The following GRID2IP variants were observed in gnomAD, a reference collection of about 807,000 sequenced individuals.
The protein encoded by GRID2IP is Grid2 interacting protein.
GRID2IP carries 78 observed loss-of-function variants against 114.3 expected under a neutral mutation model. The ratio of observed to expected loss-of-function variants is 0.68; its 90% CI spans 0.57 to 0.82. GRID2IP has a LOEUF of 0.82. Ranked by LOEUF, GRID2IP falls within the 40% of genes least tolerant of loss-of-function variation. The probability of loss-of-function intolerance (pLI) is 0.00; values close to 1 mark genes in which losing one functional copy is unlikely to be tolerated. For missense variants in GRID2IP, 1,727 were observed against 1,678.5 expected, an observed-to-expected ratio of 1.03 and a Z score of -0.51; for synonymous variants, 809 against 724.0, an observed-to-expected ratio of 1.12 and a Z score of -1.89.
In GRID2IP at chr7:6,521,057, G is replaced by A. The variant is rs1046226628; in HGVS notation, c.1085-296C>T. On this transcript the variant is annotated intron_variant, in intron 6 of 21. Transcript: ENST00000457091. The surrounding 1 kb of genome is among the most constrained non-coding windows in gnomAD (Gnocchi z 4.1). ...GTGATCTCGGCTCACTGCAACCTCC[G>A]CTTCCTGGGTTCAAGTGATTCTCTT... Among the ~76,000 whole-genome samples the A allele has an allele frequency of 2.6e-5, 4 of 152,130 alleles. No homozygotes were observed. The highest frequency in any genetic ancestry group is 7.2e-5 in the African/African-American group (3 of 41,424).
At chr7:6,548,022 G>A (rs1779913152) in intron 1 of GRID2IP, among the ~76,000 whole-genome samples, 1 of 152,124 alleles carries the variant, frequency 6.6e-6, no homozygotes, top group Non-Finnish European at 1.5e-5. Flanking sequence ...AACACAACAG[G>A]GTGACTATAG....
rs1414278613 is a variant in GRID2IP, at chr7:6,516,964, G to A, written c.1269-2435C>T. 6.6e-6 allele frequency among the ~76,000 whole-genome samples: 1 copy of A among 151,666 alleles called. No individual in the cohort carries two copies. The highest frequency in any genetic ancestry group is 2.4e-5 in the African/African-American group (1 of 41,252). The stretch of plus-strand genomic sequence containing the variant: ...ACACAATAAATAACAGCACGGCCAG[G>A]CATTCGGGGCCACTACTGGTCTCCG... On this transcript the variant is annotated intron_variant, in intron 7 of 21. Coordinates refer to ENST00000457091, the MANE Select transcript of GRID2IP (RefSeq NM_001145118.2). The surrounding 1 kb of genome is among the most constrained non-coding windows in gnomAD (Gnocchi z 4.3).
At chr7:6,511,974 C>G (rs12539095) in intron 8 of GRID2IP, among the ~76,000 whole-genome samples, 1 of 151,964 alleles carries the variant, frequency 6.6e-6, no homozygotes, top group Admixed American at 6.6e-5. Flanking sequence ...GTGGCACAAT[C>G]TCAGCTCACT....
Position 6,509,233 on chromosome 7 carries a change from C to T in GRID2IP, c.1852G>A (p.Gly618Ser). The T allele has an allele frequency of 6.6e-7, 1 of 1,513,766 alleles. No individual in the cohort carries two copies. The highest frequency in any genetic ancestry group is 8.9e-7 in the Non-Finnish European group (1 of 1,129,040). The allele number at this position is 1,513,766 out of a possible 1,614,324, so 93.8% of individuals were successfully genotyped here. A position where few individuals can be genotyped will look rare whatever the true frequency, so the allele number is the denominator to read the frequency against. The change falls in exon 12 of 22, where the codon GGT becomes AGT. Residue 618 changes from glycine (G) to serine (S), a missense_variant. Coordinates refer to ENST00000457091, the MANE Select transcript of GRID2IP (RefSeq NM_001145118.2). The surrounding 1 kb of genome is among the most constrained non-coding windows in gnomAD (Gnocchi z 4.9). ...SPCYHPLCSG[G>S]LASPSSSESH... ...TCAGAGCTGCTGGGGGAGGCCAGACCCCCCGAACACAGCGGGTGGTAGCAG... is the reference window on the plus strand; with the variant it reads ...TCAGAGCTGCTGGGGGAGGCCAGACTCCCCGAACACAGCGGGTGGTAGCAG...
rs1779731542 is a variant in GRID2IP at position 6,536,781 on chromosome 7, T to C, written c.584+2937A>G. ...TCGGCTCTAGAAATAACTTTTTTCC[T>C]TTTTTCCCCTCTTCTGATTCTCCTA... On this transcript the variant is annotated intron_variant, in intron 2 of 21. Coordinates refer to ENST00000457091, the MANE Select transcript of GRID2IP (RefSeq NM_001145118.2). This position sits in a 1 kb window ranked among gnomAD's most constrained non-coding sequence, Gnocchi z 5.3. 1.4e-6 allele frequency: 1 copy of C among 691,158 alleles called. No individual in the cohort carries two copies. Among genetic ancestry groups the C allele is most frequent in the Non-Finnish European group, 2.6e-6 (1 of 378,576 alleles). The allele number at this position is 691,158 out of a possible 1,614,324, so 42.8% of individuals were successfully genotyped here. A position where few individuals can be genotyped will look rare whatever the true frequency, so the allele number is the denominator to read the frequency against.
At chr7:6,530,385 T>C (rs1171475540) in intron 2 of GRID2IP, among the ~76,000 whole-genome samples, 1 of 151,964 alleles carries the variant, frequency 6.6e-6, no homozygotes, top group Non-Finnish European at 1.5e-5. Flanking sequence ...TGCCTCAGCC[T>C]CTCGAGTATC....
At chr7:6,515,486 A>T (rs151061624) in intron 7 of GRID2IP, among the ~76,000 whole-genome samples, 2 of 150,730 alleles carry the variant, frequency 1.3e-5, no homozygotes, top group East Asian at 3.9e-4. Context: ...ACCAAAAAAC[A>T]TATAGAGCAG....
At chr7:6,525,976 G>A (rs997140542) in intron 4 of GRID2IP, among the ~76,000 whole-genome samples, 5 of 152,132 alleles carry the variant, frequency 3.3e-5, no homozygotes, top group African/African-American at 9.7e-5. Context: ...GAATTTAGAG[G>A]GGCAGGGGTG....
rs1301908226 is a variant in GRID2IP at position 6,518,053 on chromosome 7, C to A, written c.1268+2525G>T. ...TCAAGACCAGCAACATGGCAAAACCCTGTCTCTACTAAAAAAAAAAAAAAA... is the reference window on the plus strand; with the variant it reads ...TCAAGACCAGCAACATGGCAAAACCATGTCTCTACTAAAAAAAAAAAAAAA... On this transcript the variant is annotated intron_variant, in intron 7 of 21. Coordinates refer to ENST00000457091, the MANE Select transcript of GRID2IP (RefSeq NM_001145118.2). 2.0e-5 allele frequency among the ~76,000 whole-genome samples: 3 copies of A among 151,156 alleles called. No homozygotes were observed. In the East Asian group the frequency reaches 5.8e-4, roughly 29 times the overall value.
rs1017118376 is a variant in GRID2IP, at chr7:6,498,067, G to A, written c.3561C>T (p.Phe1187=). 9.1e-6 allele frequency: 14 copies of A among 1,546,926 alleles called. No homozygotes were observed. The highest frequency in any genetic ancestry group is 1.7e-4 in the Middle Eastern group (1 of 5,968). Reference sequence around the variant, plus strand: ...TCAGGGCTCCAGCGAGGCTCACCTCGAATTTGCTCATGAACTCTGCAAAGA... The same window carrying A: ...TCAGGGCTCCAGCGAGGCTCACCTCAAATTTGCTCATGAACTCTGCAAAGA... ...FGIFAEFMSK[F]ERALSDLQAG... is the part of the protein sequence containing the mutation. The change falls in exon 21 of 22, where the codon TTC becomes TTT. Residue 1187 remains phenylalanine, a synonymous_variant. Transcript: ENST00000457091.
At position 6,498,149 on chromosome 7, in the gene GRID2IP, G is replaced by A. The variant is rs375819202; in HGVS notation, c.3479C>T (p.Ala1160Val). The change falls in exon 21 of 22, where the codon GCG becomes GTG. Residue 1160 changes from alanine (A) to valine (V), a missense_variant. Physicochemically the swap from Ala to Val is moderately conservative, Grantham distance 64 (BLOSUM62 0). Coordinates refer to ENST00000457091, the MANE Select transcript of GRID2IP (RefSeq NM_001145118.2). Reference protein sequence around the residue: ...QREAMEELGKALAFFGEDSKA... With the variant: ...QREAMEELGKVLAFFGEDSKA... ...GGAATCCTCCCCAAAGAAGGCCAGC[G>A]CCTTGCCCAGCTCCTCCATGGCCTC... is the stretch of plus-strand genomic sequence containing the variant. 158 of 1,551,562 alleles carry A rather than the reference G, an allele frequency of 1.0e-4. 1 individual carries two copies. The Admixed American group carries it at 1.5e-3, about 14-fold the overall frequency.
At position 6,508,419 on chromosome 7, in the gene GRID2IP, G is replaced by C. The variant is rs1239408077; in HGVS notation, c.2128-18C>G. ...AAGCTCATCTGGTGGTGGGGAGAGA[G>C]GCAAGGGGAGGGTGAGGCTGGGCCC... is the stretch of plus-strand genomic sequence containing the variant. On this transcript the variant is annotated intron_variant, in intron 12 of 21. Coordinates refer to ENST00000457091, the MANE Select transcript of GRID2IP (RefSeq NM_001145118.2). The surrounding 1 kb of genome is among the most constrained non-coding windows in gnomAD (Gnocchi z 5.6). 3.2e-6 allele frequency: 5 copies of C among 1,550,760 alleles called. No individual in the cohort carries two copies. The highest frequency in any genetic ancestry group is 4.4e-6 in the Non-Finnish European group (5 of 1,147,056).
chr7:6,546,520 G>C (rs577810025), intron 1 of GRID2IP, among the ~76,000 whole-genome samples: 1 of 147,152 alleles, frequency 6.8e-6, no homozygotes, highest in Non-Finnish European at 1.5e-5. Flanking sequence ...AGTGAGCCAA[G>C]ATCACGCCAT....
In GRID2IP at chr7:6,508,270, C is replaced by T. The variant is rs768203412; in HGVS notation, c.2259G>A (p.Pro753=). The T allele has an allele frequency of 2.9e-4, 78 of 266,018 alleles. No homozygotes were observed. The highest frequency in any genetic ancestry group is 1.4e-3 in the Middle Eastern group (1 of 712). 16.5% of individuals were successfully genotyped at this position (266,018 alleles called of 1,614,324 possible). ...SSISDHIPPP[P]LSPPPPPPLP... is the part of the protein sequence containing the mutation. ...GGGGTGGCGGTGGTGGGGGGCTGAG[C>T]GGGGGTGGGGGGATGTGGTCAGAGA... The change falls in exon 13 of 22, where the codon CCG becomes CCA. Residue 753 remains proline, a synonymous_variant. Coordinates refer to ENST00000457091, the MANE Select transcript of GRID2IP (RefSeq NM_001145118.2). This position sits in a 1 kb window ranked among gnomAD's most constrained non-coding sequence, Gnocchi z 5.6.
At chr7:6,539,526 C>T (rs1243614307) in intron 2 of GRID2IP, among the ~76,000 whole-genome samples, 192 bp downstream of exon 2, 2 of 152,174 alleles carry the variant, frequency 1.3e-5, no homozygotes, top group African/African-American at 2.4e-5. Flanking sequence ...GCAGAGCCAA[C>T]AGCTGCCTTC....
Position 6,501,367 on chromosome 7 carries a change from TAAAC to T in GRID2IP, c.3399+410_3399+413del, listed in dbSNP as rs907220376. 5.3e-5 allele frequency among the ~76,000 whole-genome samples: 8 copies of T among 151,760 alleles called. No homozygotes were observed. In the South Asian group the frequency reaches 8.3e-4, roughly 16 times the overall value. ...CTCTGTCTCAAAAAATAAATAAAATTAAACAAACAAACAAATAAATAAATAAATA... is the reference window on the plus strand; with the variant it reads ...CTCTGTCTCAAAAAATAAATAAAATTAAACAAACAAATAAATAAATAAATA... On this transcript the variant is annotated intron_variant, in intron 20 of 21. Transcript: ENST00000457091.
rs1562508756 is a variant in GRID2IP, at chr7:6,497,267, C to G, written c.*507G>C. ...CCCAGGCTTCTCTCTTCCTGTGTCC[C>G]TGAAGCCAGCTTCCAAGGCCCAGGC... On this transcript the variant is annotated 3_prime_UTR_variant, in exon 22 of 22. Coordinates refer to ENST00000457091, the MANE Select transcript of GRID2IP (RefSeq NM_001145118.2). Among the ~76,000 whole-genome samples the G allele has an allele frequency of 6.6e-6, 1 of 152,238 alleles. No homozygotes were observed. Among genetic ancestry groups the G allele is most frequent in the Non-Finnish European group, 1.5e-5 (1 of 68,036 alleles).
In GRID2IP at chr7:6,531,131, T is replaced by C. The variant is rs765780807; in HGVS notation, c.585-4362A>G. The C allele has an allele frequency of 3.4e-5, 18 of 522,264 alleles. No homozygotes were observed. The South Asian group carries it at 4.3e-4, about 13-fold the overall frequency. The allele number at this position is 522,264 out of a possible 1,614,324, so 32.4% of individuals were successfully genotyped here. A position where few individuals can be genotyped will look rare whatever the true frequency, so the allele number is the denominator to read the frequency against. On this transcript the variant is annotated intron_variant, in intron 2 of 21. Coordinates refer to ENST00000457091, the MANE Select transcript of GRID2IP (RefSeq NM_001145118.2). ...GAGCCGGGGACCGCGGCGCGGCAGG[T>C]GCCGAAGGGCAGGGGGTAGCCGAGC...
At chr7:6,505,739 C>T in intron 14 of GRID2IP, 81 bp downstream of exon 14, 5 of 864,758 alleles carry the variant, frequency 5.8e-6, no homozygotes, top group South Asian at 4.4e-5. Context: ...GTAGTCAGTG[C>T]AGCCCTGGGA....
Sources: gnomAD v4.1 joint callset for allele counts (sites outside exome capture counted in the v4.1 genomes callset) on GRCh38, gnomAD v4.1.1 for gene constraint, Gnocchi (gnomAD v3.1) non-coding constraint, MANE v1.5 for transcripts, NCBI Gene and HGNC (gene_info 2026-07-23, HGNC 2026-07-21) for gene names.